JAM3: variants seen among roughly 807,000 people sequenced by gnomAD.
The protein encoded by JAM3 is junctional adhesion molecule C.
Under a neutral mutation model 39.4 loss-of-function variants are expected in JAM3, and 31 were observed. The ratio of observed to expected loss-of-function variants is 0.79; its 90% CI spans 0.59 to 1.06. The LOEUF (loss-of-function observed/expected upper bound fraction) is 1.06, where lower values mean the gene tolerates loss of function less well. Among genes scored for constraint, JAM3 ranks in the 50% least tolerant of loss-of-function variants. The pLI is 0.00. For synonymous variants in JAM3, 182 were observed against 148.7 expected, an observed-to-expected ratio of 1.22 and a Z score of -1.63; for missense variants, 455 against 391.4, an observed-to-expected ratio of 1.16 and a Z score of -1.37.
At chr11:134,091,820 G>A (rs1941862336) in intron 1 of JAM3, among the ~76,000 whole-genome samples, 1 of 136,776 alleles carries the variant, frequency 7.3e-6, no homozygotes, top group Non-Finnish European at 1.5e-5. Context: ...CTCCAGTGCT[G>A]TGTTTGGGGG....
At chr11:134,116,817 G>A (rs1399462490) in intron 1 of JAM3, among the ~76,000 whole-genome samples, 1 of 151,902 alleles carries the variant, frequency 6.6e-6, no homozygotes, top group African/African-American at 2.4e-5. Flanking sequence ...TTCTCTATTT[G>A]TATCTATGTT....
rs113932932 is a variant in JAM3, at chr11:134,140,894, TTTTTA to T, written c.256+125_256+129del. ...ATCTGTAGCTAGGACCGTTTTTTTT[TTTTTA>T]AAGATTTATAATTATGGAAAATTTC... On this transcript the variant is annotated intron_variant, in intron 3 of 8. Coordinates refer to ENST00000299106, the MANE Select transcript of JAM3 (RefSeq NM_032801.5). 7,645 of 1,277,742 alleles carry T rather than the reference TTTTTA, an allele frequency of 6.0e-3. 390 individuals carry two copies. The African/African-American group carries it at 0.1, about 17-fold the overall frequency. The allele number at this position is 1,277,742 out of a possible 1,614,324, so 79.2% of individuals were successfully genotyped here. A position where few individuals can be genotyped will look rare whatever the true frequency, so the allele number is the denominator to read the frequency against.
chr11:134,132,712 G>A (rs1942790803), intron 1 of JAM3, among the ~76,000 whole-genome samples: 1 of 152,152 alleles, frequency 6.6e-6, no homozygotes, highest in Non-Finnish European at 1.5e-5. Context: ...CCTATGCCAG[G>A]AGTATGGGGG....
At chr11:134,078,285 A>G (rs929336515) in intron 1 of JAM3, among the ~76,000 whole-genome samples, 3 of 151,778 alleles carry the variant, frequency 2.0e-5, no homozygotes, top group African/African-American at 7.3e-5. Context: ...ACACCCGGCT[A>G]ATTTTTGTAT....
intron 1 of JAM3, among the ~76,000 whole-genome samples, chr11:134,116,859 G>A (rs1942443777): frequency 6.6e-6 from 1 of 152,024 alleles, no homozygotes. Flanking sequence ...TGGTATGTCT[G>A]ACTCAAATTC....
intron 5 of JAM3, chr11:134,145,197 G>A (rs1300957353): frequency 2.4e-5 from 15 of 616,338 alleles, no homozygotes; most frequent in South Asian, 2.2e-4. Context: ...ATAAGGAAGA[G>A]AAAGAAACCA....
chr11:134,142,545 C>G (rs947533085), intron 3 of JAM3, among the ~76,000 whole-genome samples: 3 of 152,180 alleles, frequency 2.0e-5, no homozygotes, highest in African/African-American at 7.2e-5. Flanking sequence ...GTTTTCCTAA[C>G]TCCTTCCCCT....
Position 134,149,200 on chromosome 11 carries a change from G to C in JAM3, c.*19G>C, listed in dbSNP as rs903155704. 1 of 1,613,914 alleles carries C rather than the reference G, an allele frequency of 6.2e-7. No homozygotes were observed. The highest frequency in any genetic ancestry group is 8.5e-7 in the Non-Finnish European group (1 of 1,179,838). On this transcript the variant is annotated 3_prime_UTR_variant, in exon 9 of 9. Transcript: ENST00000299106. ...GATCTGAGACCCGCGGTGTGGCTGA[G>C]AGCGCACAGAGCGCACGTGCACATA... is the stretch of plus-strand genomic sequence containing the variant.
intron 1 of JAM3, among the ~76,000 whole-genome samples, chr11:134,124,504 TA>T (rs553938021): frequency 7.9e-5 from 12 of 152,216 alleles, no homozygotes; most frequent in Non-Finnish European, 1.3e-4. Context: ...GTCTTCAAGA[TA>T]AGCAAAGTAT....
intron 1 of JAM3, among the ~76,000 whole-genome samples, chr11:134,111,408 C>T (rs1281946481): frequency 3.3e-5 from 5 of 152,052 alleles, no homozygotes; most frequent in Non-Finnish European, 5.9e-5. Flanking sequence ...TCCCACCATT[C>T]ATCTTTTAAC....
chr11:134,128,779 A>T (rs908068565), intron 1 of JAM3, among the ~76,000 whole-genome samples: 2 of 152,204 alleles, frequency 1.3e-5, no homozygotes, highest in Non-Finnish European at 1.5e-5. Flanking sequence ...TTTTCTTAAT[A>T]AATCACCCAG....
intron 1 of JAM3, chr11:134,139,572 G>C (rs1942935664): frequency 2.2e-6 from 1 of 446,184 alleles, no homozygotes. Flanking sequence ...GAAATGCTTA[G>C]ACAAAGGCTT....
chr11:134,113,367 G>A (rs1253428591), intron 1 of JAM3, among the ~76,000 whole-genome samples: 1 of 151,966 alleles, frequency 6.6e-6, no homozygotes, highest in Non-Finnish European at 1.5e-5. Context: ...GACAGGCCCT[G>A]GTGTGTGATG....
At position 134,123,165 on chromosome 11, in the gene JAM3, C is replaced by T. The variant is rs186269566; in HGVS notation, c.77-16686C>T. On this transcript the variant is annotated intron_variant, in intron 1 of 8. Coordinates refer to ENST00000299106, the MANE Select transcript of JAM3 (RefSeq NM_032801.5). Reference sequence around the variant, plus strand: ...CCCTTTCATCAGTAAAGACTAAAAACCACCTGGATCATATAATATATCTAT... The same window carrying T: ...CCCTTTCATCAGTAAAGACTAAAAATCACCTGGATCATATAATATATCTAT... Among the ~76,000 whole-genome samples, 415 of 152,282 alleles carry T rather than the reference C, an allele frequency of 2.7e-3. 2 individuals carry two copies. The highest frequency in any genetic ancestry group is 9.5e-3 in the African/African-American group (396 of 41,552).
chr11:134,079,033 CTG>C (rs34943636), intron 1 of JAM3, among the ~76,000 whole-genome samples: 59,739 of 151,756 alleles, frequency 0.39, 12,797 homozygotes, highest in African/African-American at 0.58. Flanking sequence ...GAGCGAAACT[CTG>C]TTACAAAACA....
rs1942957285 is a variant in JAM3, at chr11:134,140,651, T to A, written c.143-6T>A. ...CCGAGAGCTCTTTTTCTTCTTTGCG[T>A]GTTAGGTGTGGAACTGTCTTGCATC... On this transcript the variant is annotated splice_region_variant and splice_polypyrimidine_tract_variant and intron_variant, in intron 2 of 8. Coordinates refer to ENST00000299106, the MANE Select transcript of JAM3 (RefSeq NM_032801.5). The A allele has an allele frequency of 6.2e-7, 1 of 1,608,998 alleles. No homozygotes were observed. The highest frequency in any genetic ancestry group is 1.7e-5 in the Admixed American group (1 of 59,936).
chr11:134,079,971 G>A (rs1941637669), intron 1 of JAM3, among the ~76,000 whole-genome samples: 1 of 151,242 alleles, frequency 6.6e-6, no homozygotes, highest in African/African-American at 2.5e-5. Flanking sequence ...CCTCGTTTTT[G>A]TTTGTTTGTT....
chr11:134,124,025 A>T, intron 1 of JAM3: 1 of 1,455,982 alleles, frequency 6.9e-7, no homozygotes, highest in South Asian at 1.1e-5. Flanking sequence ...ATCCCGCAAC[A>T]CAAGGCACTG....
chr11:134,121,624 A>G (rs753446539), intron 1 of JAM3, among the ~76,000 whole-genome samples: 2 of 152,194 alleles, frequency 1.3e-5, no homozygotes, highest in African/African-American at 2.4e-5. Context: ...ATTAAATCCA[A>G]AAGAAAAAGA....
Sources: gnomAD v4.1 joint callset for allele counts (sites outside exome capture counted in the v4.1 genomes callset) on GRCh38, gnomAD v4.1.1 for gene constraint, MANE v1.5 for transcripts, NCBI Gene and HGNC (gene_info 2026-07-23, HGNC 2026-07-21) for gene names.